Variants in NTNG2 observed in about 807,000 individuals in gnomAD.
The protein encoded by NTNG2 is netrin-G2.
Under a neutral mutation model 47.6 loss-of-function variants are expected in NTNG2, and 15 were observed. The observed-to-expected ratio is 0.32, with a 90% confidence interval of 0.21 to 0.49. The LOEUF (loss-of-function observed/expected upper bound fraction) is 0.49, where lower values mean the gene tolerates loss of function less well. Among genes scored for constraint, NTNG2 ranks in the 20% least tolerant of loss-of-function variants. NTNG2 has a pLI of 0.99. For missense variants in NTNG2, 578 were observed against 764.6 expected (o/e 0.76, Z 2.88); for synonymous variants, 307 against 324.6 (o/e 0.95, Z 0.58).
intron 2 of NTNG2, among the ~76,000 whole-genome samples, chr9:132,191,733 G>C (rs966256933): frequency 6.6e-6 from 1 of 152,002 alleles, no homozygotes; most frequent in Non-Finnish European, 1.5e-5. Context: ...CGCTACACCC[G>C]GCTAATTTTT....
chr9:132,221,057 C>T lies in NTNG2; in HGVS notation c.858-5792C>T, dbSNP rs1007064561. The stretch of plus-strand genomic sequence containing the variant: ...ATGCGCCCATCTCCCCCAGTCATCT[C>T]GTACATCCCACTTTGGGAGCCAGTG... On this transcript the variant is annotated intron_variant, in intron 3 of 7. Transcript: ENST00000393229. This position sits in a 1 kb window ranked among gnomAD's most constrained non-coding sequence, Gnocchi z 4.2. Among the ~76,000 whole-genome samples, 3 of 152,072 alleles carry T rather than the reference C, an allele frequency of 2.0e-5. No individual in the cohort carries two copies. The highest frequency in any genetic ancestry group is 4.4e-5 in the Non-Finnish European group (3 of 68,018).
In NTNG2 at chr9:132,236,333, T is replaced by C. The variant is rs930774975; in HGVS notation, c.1055-2771T>C. ...CTGGAAGACACTGACATCCTCCTGC[T>C]ACGTGGGAGGAGACACAGGGCTCAT... On this transcript the variant is annotated intron_variant, in intron 5 of 7. Transcript: ENST00000393229. This position sits in a 1 kb window ranked among gnomAD's most constrained non-coding sequence, Gnocchi z 4.3. 1.6e-4 allele frequency among the ~76,000 whole-genome samples: 25 copies of C among 152,286 alleles called. No individual in the cohort carries two copies. Among genetic ancestry groups the C allele is most frequent in the Admixed American group, 1.6e-3 (24 of 15,298 alleles).
At chr9:132,199,092 C>T (rs1019589505) in intron 3 of NTNG2, among the ~76,000 whole-genome samples, 1 of 152,102 alleles carries the variant, frequency 6.6e-6, no homozygotes, top group African/African-American at 2.4e-5. Context: ...GCTGCACAGA[C>T]CCAATGCCTG....
At chr9:132,169,306 C>G (rs1192331151) in intron 2 of NTNG2, among the ~76,000 whole-genome samples, 1 of 152,222 alleles carries the variant, frequency 6.6e-6, no homozygotes, top group Non-Finnish European at 1.5e-5. Flanking sequence ...GACGGGGAGG[C>G]CGCCGTGGCA....
chr9:132,175,306 G>A (rs184745185), intron 2 of NTNG2, among the ~76,000 whole-genome samples: 4 of 152,188 alleles, frequency 2.6e-5, no homozygotes, highest in African/African-American at 4.8e-5. Flanking sequence ...GCTCCTGACC[G>A]CTCGCTAGGG....
chr9:132,241,863 C>T lies in NTNG2; in HGVS notation c.1358-13C>T, dbSNP rs749512120. 1.8e-5 allele frequency: 28 copies of T among 1,549,956 alleles called. No homozygotes were observed. The South Asian group carries it at 3.0e-4, about 17-fold the overall frequency. ...GGGCCACCCCCCGTGCTGACCGCCC[C>T]CTCCGCCTGCAGCCAACGTGTGCGA... On this transcript the variant is annotated splice_polypyrimidine_tract_variant and intron_variant, in intron 7 of 7. Coordinates refer to ENST00000393229, the MANE Select transcript of NTNG2 (RefSeq NM_032536.4).
intron 3 of NTNG2, among the ~76,000 whole-genome samples, chr9:132,225,518 C>T (rs1278730740): frequency 6.6e-6 from 1 of 152,158 alleles, no homozygotes; most frequent in South Asian, 2.1e-4. Context: ...GATCCTCCTG[C>T]GTCAGCCTCC....
chr9:132,205,320 C>T lies in NTNG2; in HGVS notation c.857+6711C>T, dbSNP rs1408543474. 2.0e-5 allele frequency among the ~76,000 whole-genome samples: 3 copies of T among 152,260 alleles called. No individual in the cohort carries two copies. The East Asian group carries it at 5.8e-4, about 29-fold the overall frequency. ...TGACACACGCTGCGACACAGATGAACCCTGAGGACATGATGCTAAGTGAAA... is the reference window on the plus strand; with the variant it reads ...TGACACACGCTGCGACACAGATGAATCCTGAGGACATGATGCTAAGTGAAA... On this transcript the variant is annotated intron_variant, in intron 3 of 7. Transcript: ENST00000393229.
intron 6 of NTNG2, 141 bp from the exon 7 acceptor site, chr9:132,240,769 C>A: frequency 7.7e-7 from 1 of 1,298,662 alleles, no homozygotes; most frequent in Non-Finnish European, 1.1e-6. Context: ...GCCGTCCAGC[C>A]GCGGGCTCAC....
At chr9:132,193,212 T>C (rs1231846548) in intron 2 of NTNG2, among the ~76,000 whole-genome samples, 1 of 152,214 alleles carries the variant, frequency 6.6e-6, no homozygotes, top group Non-Finnish European at 1.5e-5. Context: ...CTATCAACAC[T>C]CAATAGGAGA....
chr9:132,191,038 G>A (rs1445218255), intron 2 of NTNG2, among the ~76,000 whole-genome samples: 1 of 152,178 alleles, frequency 6.6e-6, no homozygotes, highest in Middle Eastern at 3.2e-3. Context: ...TAAGTGATGT[G>A]CGGCCATGGG....
chr9:132,168,389 C>G (rs568364404), intron 2 of NTNG2, among the ~76,000 whole-genome samples: 1 of 152,312 alleles, frequency 6.6e-6, no homozygotes, highest in South Asian at 2.1e-4. Flanking sequence ...GTGGGGCTGA[C>G]CCGGTGCCCC....
chr9:132,225,232 GTTT>G (rs959905109), intron 3 of NTNG2, among the ~76,000 whole-genome samples: 1 of 150,396 alleles, frequency 6.6e-6, no homozygotes, highest in African/African-American at 2.5e-5. Flanking sequence ...GTTTTGTCTT[GTTT>G]TGTTTTTGTT....
At chr9:132,217,833 C>A (rs748681129) in intron 3 of NTNG2, among the ~76,000 whole-genome samples, 2 of 152,288 alleles carry the variant, frequency 1.3e-5, no homozygotes, top group South Asian at 4.1e-4. Context: ...CATCCCAGGC[C>A]AGTGGGGCCC....
In NTNG2 at chr9:132,218,435, G is replaced by C. The variant is rs747868284; in HGVS notation, c.858-8414G>C. Among the ~76,000 whole-genome samples the C allele has an allele frequency of 6.6e-6, 1 of 152,202 alleles. No homozygotes were observed. Among genetic ancestry groups the C allele is most frequent in the African/African-American group, 2.4e-5 (1 of 41,450 alleles). On this transcript the variant is annotated intron_variant, in intron 3 of 7. Coordinates refer to ENST00000393229, the MANE Select transcript of NTNG2 (RefSeq NM_032536.4). This position sits in a 1 kb window ranked among gnomAD's most constrained non-coding sequence, Gnocchi z 5.4. ...CAAAGTGAGCACTCACGCATCAGCTGTCTACCCAGGAGACTTCCTTTGAGG... is the reference window on the plus strand; with the variant it reads ...CAAAGTGAGCACTCACGCATCAGCTCTCTACCCAGGAGACTTCCTTTGAGG...
chr9:132,165,511 A>G (rs1309698787), intron 1 of NTNG2, among the ~76,000 whole-genome samples: 1 of 152,156 alleles, frequency 6.6e-6, no homozygotes, highest in African/African-American at 2.4e-5. Flanking sequence ...AAAAAAAATT[A>G]AATTTGCCAT....
rs2130898573 is a variant in NTNG2, at chr9:132,221,420, GAC to G, written c.858-5425_858-5424del. Among the ~76,000 whole-genome samples, 1 of 152,230 alleles carries G rather than the reference GAC, an allele frequency of 6.6e-6. No individual in the cohort carries two copies. Among genetic ancestry groups the G allele is most frequent in the East Asian group, 1.9e-4 (1 of 5,186 alleles). On this transcript the variant is annotated intron_variant, in intron 3 of 7. Transcript: ENST00000393229. The surrounding 1 kb of genome is among the most constrained non-coding windows in gnomAD (Gnocchi z 4.2). ...CACAAACACCATGTCCACACACACC[GAC>G]ACAGAGGCAGTACCACCCACAGTGA...
intron 3 of NTNG2, among the ~76,000 whole-genome samples, chr9:132,211,272 A>G (rs1839569089): frequency 6.6e-6 from 1 of 152,170 alleles, no homozygotes; most frequent in South Asian, 2.1e-4. Flanking sequence ...AGCCTGAACT[A>G]GGTCCCAAGG....
intron 2 of NTNG2, among the ~76,000 whole-genome samples, chr9:132,168,539 C>A (rs867413541): frequency 6.6e-6 from 1 of 152,078 alleles, no homozygotes; most frequent in Non-Finnish European, 1.5e-5. Context: ...GGGCCAGGGC[C>A]AGCTGGGGAG....
Sources: allele counts gnomAD v4.1 joint callset (sites outside exome capture counted in the v4.1 genomes callset), GRCh38; gene constraint gnomAD v4.1.1; non-coding constraint Gnocchi (gnomAD v3.1); transcripts MANE v1.5; gene names NCBI Gene and HGNC (gene_info 2026-07-23, HGNC 2026-07-21).